The following MRAP2 variants were observed in gnomAD, a reference collection of about 807,000 sequenced individuals.
MRAP2 encodes melanocortin-2 receptor accessory protein 2.
A neutral mutation model predicts 17.4 loss-of-function variants in MRAP2; 20 were observed. The ratio of observed to expected loss-of-function variants is 1.15; its 90% CI spans 0.81 to 1.67. MRAP2 has a LOEUF of 1.67. MRAP2 is among the 40% of genes most tolerant of loss of function. The probability of loss-of-function intolerance (pLI) is 0.00; values close to 1 mark genes in which losing one functional copy is unlikely to be tolerated. For missense variants in MRAP2, 238 were observed against 240.0 expected (o/e 0.99, Z 0.05); for synonymous variants, 96 against 88.4 (o/e 1.09, Z -0.48).
At chr6:84,120,243 G>A in the MRAP2 span, among the ~76,000 whole-genome samples, 3 of 152,180 alleles carry the variant, frequency 2.0e-5, no homozygotes, top group African/African-American at 7.2e-5. Flanking sequence ...GATGGTGCCT[G>A]TCCACATTGT....
In MRAP2 at chr6:84,062,769, G is replaced by A. The variant is rs535969078; in HGVS notation, c.128-124G>A. 1.6e-4 allele frequency: 241 copies of A among 1,501,754 alleles called. No homozygotes were observed. The African/African-American group carries it at 2.9e-3, about 18-fold the overall frequency. 93.0% of individuals were successfully genotyped at this position (1,501,754 alleles called of 1,614,324 possible). A position where few individuals can be genotyped will look rare whatever the true frequency, so the allele number is the denominator to read the frequency against. The stretch of plus-strand genomic sequence containing the variant: ...ATCTTATCAGTCTCCAGCCAACTGC[G>A]GATCAGACTGTTGACTTCCTTTCAT... On this transcript the variant is annotated intron_variant, in intron 2 of 3. Coordinates refer to ENST00000257776, the MANE Select transcript of MRAP2 (RefSeq NM_138409.4).
chr6:84,137,622 A>G, the MRAP2 span, among the ~76,000 whole-genome samples: 1 of 152,160 alleles, frequency 6.6e-6, no homozygotes, highest in East Asian at 1.9e-4. Flanking sequence ...AATAAGCAAT[A>G]ATAGCATCAA....
At position 84,050,475 on chromosome 6, in the gene MRAP2, G is replaced by A. The variant is rs116818052; in HGVS notation, c.-7-4837G>A. 8.1e-3 allele frequency among the ~76,000 whole-genome samples: 1,226 copies of A among 152,280 alleles called. 20 individuals are homozygous for A. Among genetic ancestry groups the A allele is most frequent in the African/African-American group, 0.027 (1,142 of 41,554 alleles). ...CATTTTCTGTGTGGCCCTACCCTAGGCACGAGTAAGCTGGGTGCACCATTG... is the reference window on the plus strand; with the variant it reads ...CATTTTCTGTGTGGCCCTACCCTAGACACGAGTAAGCTGGGTGCACCATTG... On this transcript the variant is annotated intron_variant, in intron 1 of 3. Coordinates refer to ENST00000257776, the MANE Select transcript of MRAP2 (RefSeq NM_138409.4).
chr6:84,117,322 C>T, the MRAP2 span, among the ~76,000 whole-genome samples: 1 of 152,192 alleles, frequency 6.6e-6, no homozygotes, highest in Non-Finnish European at 1.5e-5. Context: ...CATGCCCAGC[C>T]TGAAGTTTCC....
chr6:84,091,763 G>T (rs1361254478), downstream of MRAP2, among the ~76,000 whole-genome samples: 2 of 152,086 alleles, frequency 1.3e-5, no homozygotes, highest in African/African-American at 4.8e-5. Context: ...TGCCCCTTCT[G>T]CAAATCAGCT....
At position 84,089,139 on chromosome 6, in the gene MRAP2, A is replaced by G; in HGVS notation, c.276A>G (p.Ser92=). 6.2e-7 allele frequency: 1 copy of G among 1,614,150 alleles called. No homozygotes were observed. The highest frequency in any genetic ancestry group is 8.5e-7 in the Non-Finnish European group (1 of 1,180,012). The change falls in exon 4 of 4, where the codon TCA becomes TCG. Residue 92 remains serine (S), a synonymous_variant. Coordinates refer to ENST00000257776, the MANE Select transcript of MRAP2 (RefSeq NM_138409.4). The stretch of plus-strand genomic sequence containing the variant: ...GATTCAGAATGAACAGCTTTGTGTC[A>G]GACTTTGGAAGACCTCTGGAGCCAG... ...EKRFRMNSFV[S]DFGRPLEPDK... is the part of the protein sequence containing the mutation.
intron 2 of MRAP2, among the ~76,000 whole-genome samples, chr6:84,057,647 G>A (rs773191200): frequency 2.6e-5 from 4 of 152,146 alleles, no homozygotes; most frequent in East Asian, 1.9e-4. Context: ...TATTTATTGA[G>A]CACCTGTTAT....
chr6:84,064,813 T>C (rs1363077704), intron 3 of MRAP2, among the ~76,000 whole-genome samples: 1 of 152,198 alleles, frequency 6.6e-6, no homozygotes, highest in Admixed American at 6.5e-5. Flanking sequence ...ATATTCAGTA[T>C]CTCATTTTTG....
At chr6:84,069,560 T>C (rs2099495679) in intron 3 of MRAP2, among the ~76,000 whole-genome samples, 2 of 152,290 alleles carry the variant, frequency 1.3e-5, no homozygotes, top group South Asian at 4.1e-4. Context: ...TTTTCTTTTT[T>C]GGTTATGTCC....
chr6:84,130,484 T>G, the MRAP2 span, among the ~76,000 whole-genome samples: 4 of 152,212 alleles, frequency 2.6e-5, no homozygotes, highest in Non-Finnish European at 4.4e-5. Context: ...ACCCATCCAG[T>G]CCTGGACTTT....
chr6:84,114,846 G>A, the MRAP2 span, among the ~76,000 whole-genome samples: 7,077 of 152,146 alleles, frequency 0.047, 566 homozygotes, highest in African/African-American at 0.16. Flanking sequence ...GCTGCAGGTC[G>A]CTGGAGTTTG....
At chr6:84,083,574 T>A (rs766368373) in intron 3 of MRAP2, among the ~76,000 whole-genome samples, 2 of 152,152 alleles carry the variant, frequency 1.3e-5, no homozygotes, top group Non-Finnish European at 2.9e-5. Context: ...TCTAGTACAA[T>A]CTTGATGAAC....
At chr6:84,103,028 A>C in the MRAP2 span, among the ~76,000 whole-genome samples, 3 of 152,196 alleles carry the variant, frequency 2.0e-5, no homozygotes, top group Admixed American at 6.5e-5. Context: ...CATTATCTTG[A>C]AGAAAGTGGC....
the MRAP2 span, chr6:84,124,950 G>A: frequency 1.3e-6 from 1 of 744,256 alleles, no homozygotes; most frequent in Non-Finnish European, 2.2e-6. Flanking sequence ...ATGTTGCTTT[G>A]GTTGTTTGCT....
chr6:84,111,114 A>G, the MRAP2 span, among the ~76,000 whole-genome samples: 2 of 152,128 alleles, frequency 1.3e-5, no homozygotes, highest in Non-Finnish European at 2.9e-5. Context: ...TGAAATTTAA[A>G]GTATTTTTTT....
At chr6:84,067,827 C>A (rs1250849066) in intron 3 of MRAP2, among the ~76,000 whole-genome samples, 2 of 149,556 alleles carry the variant, frequency 1.3e-5, no homozygotes, top group Non-Finnish European at 3.0e-5. Flanking sequence ...GATTTTCTCC[C>A]ACTGTGTTGG....
the MRAP2 span, among the ~76,000 whole-genome samples, chr6:84,141,025 C>T: frequency 1.3e-5 from 2 of 152,128 alleles, no homozygotes; most frequent in East Asian, 3.9e-4. Flanking sequence ...ATGTGCAGTT[C>T]ACAATTGGGT....
the MRAP2 span, among the ~76,000 whole-genome samples, chr6:84,123,625 TAGA>T: frequency 6.6e-6 from 1 of 152,104 alleles, no homozygotes; most frequent in Non-Finnish European, 1.5e-5. Context: ...ATTAAAATGC[TAGA>T]AGAAAACCTA....
the MRAP2 span, among the ~76,000 whole-genome samples, chr6:84,140,554 G>T: frequency 6.6e-6 from 1 of 152,094 alleles, no homozygotes; most frequent in Non-Finnish European, 1.5e-5. Flanking sequence ...TAGAGACAGG[G>T]TCTTGCTCTG....
Sources: allele counts gnomAD v4.1 joint callset (sites outside exome capture counted in the v4.1 genomes callset), GRCh38; gene constraint gnomAD v4.1.1; transcripts MANE v1.5; gene names NCBI Gene and HGNC (gene_info 2026-07-23, HGNC 2026-07-21).